SPATA13: variants seen among roughly 807,000 people sequenced by gnomAD.
SPATA13 encodes the protein spermatogenesis-associated protein 13.
A neutral mutation model predicts 104.0 loss-of-function variants in SPATA13; 50 were observed. The observed-to-expected ratio is 0.48, with a 90% confidence interval of 0.38 to 0.61. SPATA13 has a LOEUF of 0.61. Ranked by LOEUF, SPATA13 falls within the 20% of genes least tolerant of loss-of-function variation. SPATA13 has a pLI of 0.00. For missense variants in SPATA13, 1,524 were observed against 1,690.6 expected (o/e 0.90, Z 1.73); for synonymous variants, 606 against 667.5 (o/e 0.91, Z 1.42).
chr13:24,142,149 G>C (rs946534076), intron 3 of SPATA13, among the ~76,000 whole-genome samples: 4 of 150,186 alleles, frequency 2.7e-5, no homozygotes, highest in African/African-American at 9.8e-5. Flanking sequence ...AAATAGGACA[G>C]AGGGGTCTTA....
chr13:24,011,318 C>G lies in SPATA13; in HGVS notation c.-146-6349C>G, dbSNP rs531880358. 2.3e-3 allele frequency among the ~76,000 whole-genome samples: 346 copies of G among 152,264 alleles called. 1 individual carries two copies. The highest frequency in any genetic ancestry group is 7.5e-4 in the Non-Finnish European group (51 of 68,022). On this transcript the variant is annotated intron_variant, in intron 2 of 14. Transcript: ENST00000424834. This position sits in a 1 kb window ranked among gnomAD's most constrained non-coding sequence, Gnocchi z 4.3. ...CCTTTCATTTCTGAGGCAGTGCCGG[C>G]CGGCTTGGCCATCTCATGCTGTCTC...
chr13:24,230,463 G>A (rs1378756394), intron 2 of SPATA13, among the ~76,000 whole-genome samples: 1 of 152,174 alleles, frequency 6.6e-6, no homozygotes, highest in African/African-American at 2.4e-5. Context: ...TAGTGCCCCG[G>A]GCGGCGGTTG....
intron 3 of SPATA13, among the ~76,000 whole-genome samples, chr13:24,021,957 T>C (rs1430730763): frequency 2.6e-5 from 4 of 152,106 alleles, no homozygotes; most frequent in South Asian, 4.2e-4. Flanking sequence ...GTAATCTGCC[T>C]GCCTCGGCCT....
intron 3 of SPATA13, among the ~76,000 whole-genome samples, chr13:24,104,528 G>T (rs1386553210): frequency 6.6e-6 from 1 of 152,158 alleles, no homozygotes; most frequent in African/African-American, 2.4e-5. Flanking sequence ...TTCGTGGATA[G>T]ATACAAGGCA....
chr13:24,142,012 C>CT (rs1881778883), intron 3 of SPATA13, among the ~76,000 whole-genome samples: 1 of 152,022 alleles, frequency 6.6e-6, no homozygotes, highest in Non-Finnish European at 1.5e-5. Context: ...CTACTTTTTC[C>CT]TTTTTTCCAG....
chr13:24,220,134 C>T (rs564002310), intron 1 of SPATA13, among the ~76,000 whole-genome samples: 1 of 152,244 alleles, frequency 6.6e-6, no homozygotes, highest in African/African-American at 2.4e-5. Flanking sequence ...AGTAGATGCT[C>T]ATGAAGTGGG....
chr13:24,115,303 G>A (rs1009257905), intron 3 of SPATA13, among the ~76,000 whole-genome samples: 8 of 152,146 alleles, frequency 5.3e-5, no homozygotes, highest in Non-Finnish European at 1.2e-4. Context: ...AAATAGCCCC[G>A]AGACTCAGCA....
At chr13:24,151,900 A>G (rs1882108916) in intron 3 of SPATA13, among the ~76,000 whole-genome samples, 1 of 152,186 alleles carries the variant, frequency 6.6e-6, no homozygotes, top group African/African-American at 2.4e-5. Flanking sequence ...AATTTAGCTA[A>G]CACTAGTGAA....
At chr13:24,024,409 C>G (rs1877115417) in intron 3 of SPATA13, among the ~76,000 whole-genome samples, 1 of 151,962 alleles carries the variant, frequency 6.6e-6, no homozygotes, top group Non-Finnish European at 1.5e-5. Flanking sequence ...AATGATGAAC[C>G]AGGCTGCTGA....
chr13:24,251,884 C>A, intron 4 of SPATA13, 22 bp downstream of exon 4: 1 of 1,607,886 alleles, frequency 6.2e-7, no homozygotes. Flanking sequence ...AGTCCCTTTC[C>A]TTTCAGAGCT....
At chr13:24,206,170 A>T (rs1870686720) in intron 1 of SPATA13, among the ~76,000 whole-genome samples, 1 of 152,202 alleles carries the variant, frequency 6.6e-6, no homozygotes, top group African/African-American at 2.4e-5. Context: ...TTTCCAATCT[A>T]TCCATCTGAC....
chr13:24,127,790 GA>G (rs1881268498), intron 3 of SPATA13, among the ~76,000 whole-genome samples: 3 of 152,200 alleles, frequency 2.0e-5, no homozygotes, highest in Admixed American at 6.5e-5. Context: ...GAAGTTCAAA[GA>G]CAATGGTATC....
At chr13:24,272,149 C>T (rs765343777) in intron 4 of SPATA13, among the ~76,000 whole-genome samples, 19 of 152,316 alleles carry the variant, frequency 1.2e-4, no homozygotes, top group Admixed American at 2.6e-4. Context: ...TCATTCCCAC[C>T]GGGAGTGCAG....
chr13:24,065,742 A>G (rs891913275), intron 3 of SPATA13, among the ~76,000 whole-genome samples: 89 of 152,376 alleles, frequency 5.8e-4, no homozygotes, highest in African/African-American at 2.1e-3. Context: ...TTTCATAGAT[A>G]TTTATGATAA....
At chr13:24,237,312 G>A (rs1872619242) in intron 2 of SPATA13, among the ~76,000 whole-genome samples, 1 of 152,102 alleles carries the variant, frequency 6.6e-6, no homozygotes, top group South Asian at 2.1e-4. Context: ...GCAGTGAGCC[G>A]AGATTGCACC....
Position 24,282,678 on chromosome 13 carries a change from G to A in SPATA13, c.2165-1457G>A, listed in dbSNP as rs73455725. ...GCCCCAACAGCTCTTCCTCCACGTC[G>A]TAGCAAAGTCTGTCATTAGCCCAGC... On this transcript the variant is annotated intron_variant, in intron 4 of 12. Transcript: ENST00000382108. 4.0e-3 allele frequency among the ~76,000 whole-genome samples: 607 copies of A among 152,290 alleles called. 5 individuals carry two copies. The highest frequency in any genetic ancestry group is 0.014 in the African/African-American group (579 of 41,564).
intron 4 of SPATA13, among the ~76,000 whole-genome samples, chr13:24,259,798 T>C (rs1200522546): frequency 1.3e-5 from 2 of 152,068 alleles, no homozygotes; most frequent in Non-Finnish European, 2.9e-5. Flanking sequence ...TGGATTTTAT[T>C]TTATTGTATT....
intron 2 of SPATA13, among the ~76,000 whole-genome samples, chr13:24,240,323 CGT>C (rs1566168093): frequency 1.3e-5 from 2 of 152,014 alleles, no homozygotes; most frequent in East Asian, 3.9e-4. Context: ...ATCTCAGTGT[CGT>C]GTTACTATTG....
intron 4 of SPATA13, among the ~76,000 whole-genome samples, chr13:24,260,972 C>T (rs1368794541): frequency 3.9e-5 from 6 of 152,116 alleles, no homozygotes; most frequent in African/African-American, 1.4e-4. Context: ...TTAGGCAGCC[C>T]GATTGCTACA....
Sources: allele counts gnomAD v4.1 joint callset (sites outside exome capture counted in the v4.1 genomes callset), GRCh38; gene constraint gnomAD v4.1.1; non-coding constraint Gnocchi (gnomAD v3.1); transcripts MANE v1.5; gene names NCBI Gene and HGNC (gene_info 2026-07-23, HGNC 2026-07-21).